Variants in SLC5A4 observed in about 807,000 individuals in gnomAD.
The protein encoded by SLC5A4 is solute carrier family 5 member 4.
In SLC5A4, 55 loss-of-function variants were observed where a neutral mutation model predicts 70.3. The observed-to-expected ratio is 0.78, with a 90% CI of 0.63 to 0.98. The LOEUF (loss-of-function observed/expected upper bound fraction) is 0.98. Ranked by LOEUF, SLC5A4 falls within the 50% of genes least tolerant of loss-of-function variation. The pLI, the probability that SLC5A4 is intolerant of heterozygous loss-of-function variation, is 0.00. For missense variants in SLC5A4, 735 were observed against 839.2 expected, an observed-to-expected ratio of 0.88 and a Z score of 1.53; for synonymous variants, 268 against 305.7, an observed-to-expected ratio of 0.88 and a Z score of 1.29.
At chr22:32,218,937 G>T (rs1284369372) in intron 14 of SLC5A4, among the ~76,000 whole-genome samples, 1 of 152,080 alleles carries the variant, frequency 6.6e-6, no homozygotes, top group East Asian at 1.9e-4. Context: ...AAAAACAAAT[G>T]ACAAAATGGG....
chr22:32,272,656 C>T, the SLC5A4 span: 1 of 570,658 alleles, frequency 1.8e-6, no homozygotes, highest in Non-Finnish European at 3.2e-6. Context: ...CTGCCTGAAG[C>T]CAAGGAGAGT....
At chr22:32,335,990 A>G in the SLC5A4 span, among the ~76,000 whole-genome samples, 2 of 152,242 alleles carry the variant, frequency 1.3e-5, no homozygotes, top group East Asian at 3.8e-4. Context: ...TATTCTTGGA[A>G]GCAGGTATTT....
intron 5 of SLC5A4, among the ~76,000 whole-genome samples, chr22:32,245,815 G>A (rs1035928946): frequency 6.6e-6 from 1 of 152,150 alleles, no homozygotes; most frequent in African/African-American, 2.4e-5. Flanking sequence ...CACTGCGCCC[G>A]GCCTGCTCAT....
intron 8 of SLC5A4, 59 bp downstream of exon 8, chr22:32,234,814 A>C: frequency 8.2e-7 from 1 of 1,222,136 alleles, no homozygotes; most frequent in Non-Finnish European, 1.2e-6. Flanking sequence ...GCACATGCAC[A>C]CATACAGACA....
At chr22:32,305,315 C>G in the SLC5A4 span, among the ~76,000 whole-genome samples, 37 of 130,336 alleles carry the variant, frequency 2.8e-4, 5 homozygotes, top group Admixed American at 2.9e-3. Context: ...GGCTTGTAGT[C>G]TCTCTGCCTG....
chr22:32,294,522 C>T, the SLC5A4 span, among the ~76,000 whole-genome samples: 5 of 152,078 alleles, frequency 3.3e-5, no homozygotes, highest in Non-Finnish European at 5.9e-5. Context: ...ACAAGGATCC[C>T]TCCTGTGGCT....
the SLC5A4 span, among the ~76,000 whole-genome samples, chr22:32,280,264 C>CT: frequency 6.6e-6 from 1 of 152,070 alleles, no homozygotes; most frequent in African/African-American, 2.4e-5. Flanking sequence ...GATCCACCCC[C>CT]CCTCAACCTC....
the SLC5A4 span, among the ~76,000 whole-genome samples, chr22:32,279,646 C>T: frequency 6.6e-6 from 1 of 152,306 alleles, no homozygotes; most frequent in East Asian, 1.9e-4. Context: ...CAAAAATTAG[C>T]CAGGTGTGAG....
In SLC5A4 at chr22:32,231,097, A is replaced by C. The variant is rs201253364; in HGVS notation, c.1022-22T>G. The C allele has an allele frequency of 8.8e-6, 13 of 1,473,646 alleles. No homozygotes were observed. In the East Asian group the frequency reaches 2.9e-4, roughly 33 times the overall value. 91.3% of individuals were successfully genotyped at this position (1,473,646 alleles called of 1,614,324 possible). ...ATATCTGGGGAAGAATTCAGAAGTG[A>C]GTCCAATGAGGCCCAAATAGGCAAA... is the stretch of plus-strand genomic sequence containing the variant. On this transcript the variant is annotated intron_variant, in intron 9 of 14. Transcript: ENST00000266086.
At chr22:32,303,184 G>A in the SLC5A4 span, among the ~76,000 whole-genome samples, 15 of 152,312 alleles carry the variant, frequency 9.8e-5, no homozygotes, top group Middle Eastern at 0.01. Context: ...CTCACGACAC[G>A]TGTCCAAGGT....
intron 10 of SLC5A4, among the ~76,000 whole-genome samples, chr22:32,230,173 G>A (rs1925664510): frequency 6.6e-6 from 1 of 152,102 alleles, no homozygotes; most frequent in Non-Finnish European, 1.5e-5. Context: ...TGACATGGTT[G>A]TGGGCCAAAA....
the SLC5A4 span, among the ~76,000 whole-genome samples, chr22:32,323,936 A>C: frequency 6.6e-6 from 1 of 151,942 alleles, no homozygotes; most frequent in Non-Finnish European, 1.5e-5. Context: ...GGGTGGGGGC[A>C]GCCTCACCCG....
At chr22:32,339,465 C>T in the SLC5A4 span, among the ~76,000 whole-genome samples, 1 of 152,178 alleles carries the variant, frequency 6.6e-6, no homozygotes, top group Non-Finnish European at 1.5e-5. Flanking sequence ...TCGAAGACTA[C>T]GCAGCTCACC....
At chr22:32,319,327 ACT>A in the SLC5A4 span, among the ~76,000 whole-genome samples, 1 of 150,484 alleles carries the variant, frequency 6.6e-6, no homozygotes, top group Non-Finnish European at 1.5e-5. Context: ...CAGGCCATCG[ACT>A]CACACTGGAA....
chr22:32,294,910 CA>C, the SLC5A4 span, among the ~76,000 whole-genome samples: 14 of 97,882 alleles, frequency 1.4e-4, 1 homozygote, highest in African/African-American at 5.3e-4. Context: ...TGAGAATATG[CA>C]GTGTTTGGTT....
intron 2 of SLC5A4, among the ~76,000 whole-genome samples, chr22:32,252,634 G>A (rs1927239799): frequency 6.6e-6 from 1 of 152,176 alleles, no homozygotes. Context: ...GTTGGCCCCT[G>A]TCTTGGGGGA....
chr22:32,281,364 G>A, the SLC5A4 span, among the ~76,000 whole-genome samples: 2 of 152,150 alleles, frequency 1.3e-5, no homozygotes, highest in Non-Finnish European at 1.5e-5. Context: ...GGGGTTGGGC[G>A]TGCAGGGGTG....
chr22:32,246,955 T>C (rs1926866132), intron 5 of SLC5A4, among the ~76,000 whole-genome samples: 1 of 152,230 alleles, frequency 6.6e-6, no homozygotes, highest in Non-Finnish European at 1.5e-5. Flanking sequence ...AGTATAATAA[T>C]ACAAAGTACT....
At chr22:32,349,323 A>G in the SLC5A4 span, among the ~76,000 whole-genome samples, 1 of 152,206 alleles carries the variant, frequency 6.6e-6, no homozygotes, top group African/African-American at 2.4e-5. Flanking sequence ...TCTTTTTAGT[A>G]TAAGCAGTTT....
Sources: allele counts gnomAD v4.1 joint callset (sites outside exome capture counted in the v4.1 genomes callset), GRCh38; gene constraint gnomAD v4.1.1; transcripts MANE v1.5; gene names NCBI Gene and HGNC (gene_info 2026-07-23, HGNC 2026-07-21).